The following SNX16 variants were observed in gnomAD, a reference collection of about 807,000 sequenced individuals.
SNX16 encodes sorting nexin-16.
In SNX16, 35 loss-of-function variants were observed where a neutral mutation model predicts 36.7. The ratio of observed to expected loss-of-function variants is 0.95; its 90% CI spans 0.73 to 1.27. The LOEUF (loss-of-function observed/expected upper bound fraction) is 1.27, where lower values mean the gene tolerates loss of function less well. Among genes scored for constraint, SNX16 ranks in the 50% most tolerant of loss-of-function variants. SNX16 has a pLI of 0.00. For synonymous variants in SNX16, 134 were observed against 132.0 expected (o/e 1.02, Z -0.10); for missense variants, 367 against 393.6 (o/e 0.93, Z 0.57).
intron 4 of SNX16, among the ~76,000 whole-genome samples, chr8:81,821,039 T>C (rs773055093): frequency 9.3e-5 from 14 of 150,870 alleles, no homozygotes; most frequent in African/African-American, 2.4e-5. Flanking sequence ...TTTAATTGAA[T>C]TGAGGTTATC....
chr8:81,824,624 GA>G (rs1290204090), intron 3 of SNX16, among the ~76,000 whole-genome samples: 1 of 151,952 alleles, frequency 6.6e-6, no homozygotes, highest in Non-Finnish European at 1.5e-5. Context: ...TTCTGGTTAT[GA>G]CCTATTTTAT....
At position 81,825,453 on chromosome 8, in the gene SNX16, T is replaced by G. The variant is rs6473313; in HGVS notation, c.463-1513A>C. On this transcript the variant is annotated intron_variant, in intron 3 of 7. Transcript: ENST00000345957. ...TGATTGTTTCCCATCTCTGATAGATTAGGATTTAATTAGTTGAAATGAGGC... is the reference window on the plus strand; with the variant it reads ...TGATTGTTTCCCATCTCTGATAGATGAGGATTTAATTAGTTGAAATGAGGC... Among the ~76,000 whole-genome samples, 1,111 of 152,266 alleles carry G rather than the reference T, an allele frequency of 7.3e-3. 13 individuals are homozygous for G. The highest frequency in any genetic ancestry group is 0.025 in the African/African-American group (1,056 of 41,546).
At chr8:81,804,456 G>T (rs982994084) in intron 5 of SNX16, among the ~76,000 whole-genome samples, 8 of 151,816 alleles carry the variant, frequency 5.3e-5, no homozygotes, top group Non-Finnish European at 1.2e-4. Flanking sequence ...GAGAACATAT[G>T]ACCATTAAAT....
At chr8:81,807,518 CAAAAAAAAAAAAAAA>C (rs71268027) in intron 5 of SNX16, among the ~76,000 whole-genome samples, 1,217 of 49,372 alleles carry the variant, frequency 0.025, 42 homozygotes, top group African/African-American at 0.088. Flanking sequence ...GACTCTGTCT[CAAAAAAAAAAAAAAA>C]AAAAAAAAAA....
rs1810889421 is a variant in SNX16 at position 81,823,893 on chromosome 8, G to C, written c.510C>G (p.Arg170=). The part of the protein sequence containing the change: ...PGFRLALPPK[R]WFKDNYNADF... ...CAGCATTGTAATTATCTTTAAACCA[G>C]CGTTTTGGAGGAAGTGCTAGTCGAA... Residue 170 remains arginine (R), a synonymous_variant, in exon 4 of 8, where the codon CGC becomes CGG. Coordinates refer to ENST00000345957, the MANE Select transcript of SNX16 (RefSeq NM_152836.3). The C allele has an allele frequency of 6.2e-7, 1 of 1,611,464 alleles. No homozygotes were observed.
chr8:81,815,303 T>C (rs1190030617), intron 5 of SNX16, 22 bp downstream of exon 5: 1 of 1,576,130 alleles, frequency 6.3e-7, no homozygotes, highest in Admixed American at 1.7e-5. Flanking sequence ...TCTTTTCATG[T>C]GCTATATAAT....
chr8:81,840,054 C>A lies in SNX16; in HGVS notation c.-68G>T. On this transcript the variant is annotated 5_prime_UTR_variant, in exon 2 of 8. Coordinates refer to ENST00000345957, the MANE Select transcript of SNX16 (RefSeq NM_152836.3). Reference sequence around the variant, plus strand: ...ACTTAGAGAACAACTAATATGCAATCCATTATTTTCTTCTTAGGAATTCAC... The same window carrying A: ...ACTTAGAGAACAACTAATATGCAATACATTATTTTCTTCTTAGGAATTCAC... 1.3e-6 allele frequency: 2 copies of A among 1,483,036 alleles called. No homozygotes were observed. Among genetic ancestry groups the A allele is most frequent in the South Asian group, 1.4e-5 (1 of 70,228 alleles). 91.9% of individuals were successfully genotyped at this position (1,483,036 alleles called of 1,614,324 possible).
intron 2 of SNX16, among the ~76,000 whole-genome samples, chr8:81,839,372 G>A (rs181395604): frequency 1.3e-5 from 2 of 152,246 alleles, no homozygotes; most frequent in East Asian, 1.9e-4. Context: ...TTCTAGTAAC[G>A]TTCTTTTCCT....
chr8:81,838,474 T>A (rs980116883), intron 2 of SNX16, among the ~76,000 whole-genome samples: 9 of 151,378 alleles, frequency 5.9e-5, no homozygotes, highest in Admixed American at 2.0e-4. Flanking sequence ...AGCAGACCCA[T>A]GCATTTATGG....
intron 5 of SNX16, 133 bp downstream of exon 5, chr8:81,815,192 A>C (rs1312692142): frequency 3.4e-6 from 2 of 593,996 alleles, no homozygotes; most frequent in African/African-American, 1.9e-5. Flanking sequence ...CAAACATGAA[A>C]GCTTTCTGTG....
intron 5 of SNX16, among the ~76,000 whole-genome samples, chr8:81,810,219 T>C (rs1292814674): frequency 6.6e-6 from 1 of 152,240 alleles, no homozygotes; most frequent in East Asian, 1.9e-4. Context: ...AGTAATAGAT[T>C]TGAATTTTCC....
chr8:81,826,572 C>G (rs4739628), intron 3 of SNX16, among the ~76,000 whole-genome samples: 61,304 of 151,954 alleles, frequency 0.4, 13,098 homozygotes, highest in African/African-American at 0.49. Flanking sequence ...AAAACCCCGC[C>G]TGGTTGCCCC....
chr8:81,819,526 CT>C (rs1345805516), intron 4 of SNX16, among the ~76,000 whole-genome samples: 2 of 152,046 alleles, frequency 1.3e-5, no homozygotes, highest in African/African-American at 4.8e-5. Flanking sequence ...GAAACCTTTT[CT>C]AATTTTCCTA....
chr8:81,804,598 A>C (rs1809850227), intron 5 of SNX16, among the ~76,000 whole-genome samples: 1 of 152,028 alleles, frequency 6.6e-6, no homozygotes, highest in African/African-American at 2.4e-5. Context: ...AAAATAAAAT[A>C]ATAGAAATAA....
rs546122847 is a variant in SNX16 at position 81,799,639 on chromosome 8, T to A, written c.*1858A>T. 1 of 151,892 alleles carries A rather than the reference T, an allele frequency of 6.6e-6. No homozygotes were observed. The highest frequency in any genetic ancestry group is 2.4e-5 in the African/African-American group (1 of 41,426). 9.4% of individuals were successfully genotyped at this position (151,892 alleles called of 1,614,324 possible). ...ATAATACTGGGAGTAAAATGCATTA[T>A]AAAAGTAAAAAAAAGTAAATTATAA... is the stretch of plus-strand genomic sequence containing the variant. On this transcript the variant is annotated 3_prime_UTR_variant, in exon 8 of 8. Transcript: ENST00000345957.
intron 5 of SNX16, 62 bp from the exon 6 acceptor site, chr8:81,803,290 T>C: frequency 1.4e-6 from 2 of 1,473,910 alleles, no homozygotes; most frequent in Non-Finnish European, 9.1e-7. Flanking sequence ...TAATTACAAA[T>C]GCAGTATCTT....
chr8:81,834,343 T>C (rs1418635933), intron 2 of SNX16, among the ~76,000 whole-genome samples: 1 of 152,142 alleles, frequency 6.6e-6, no homozygotes, highest in East Asian at 1.9e-4. Context: ...GAGATTTGGG[T>C]GGGGACACAT....
At chr8:81,816,979 A>C (rs189508595) in intron 4 of SNX16, among the ~76,000 whole-genome samples, 60 of 152,338 alleles carry the variant, frequency 3.9e-4, no homozygotes, top group African/African-American at 1.4e-3. Flanking sequence ...CACAGAATAG[A>C]ACAAGGTCTT....
In SNX16 at chr8:81,808,856, C is replaced by T. The variant is rs1563433410; in HGVS notation, c.682-5628G>A. On this transcript the variant is annotated intron_variant, in intron 5 of 7. Coordinates refer to ENST00000345957, the MANE Select transcript of SNX16 (RefSeq NM_152836.3). ...CAGGGCCTAGCTGCTACAAAGAAGA[C>T]ATGTTTTAGACAAATACTCATGTGC... 1.5e-5 allele frequency: 10 copies of T among 678,758 alleles called. No individual in the cohort carries two copies. In the East Asian group the frequency reaches 2.5e-4, roughly 17 times the overall value. 42.0% of individuals were successfully genotyped at this position (678,758 alleles called of 1,614,324 possible).
Sources: allele counts gnomAD v4.1 joint callset (sites outside exome capture counted in the v4.1 genomes callset), GRCh38; gene constraint gnomAD v4.1.1; transcripts MANE v1.5; gene names NCBI Gene and HGNC (gene_info 2026-07-23, HGNC 2026-07-21).